Variants in SYT1 observed in about 807,000 individuals in gnomAD.
SYT1 encodes synaptotagmin-1.
In SYT1, 8 loss-of-function variants were observed where a neutral mutation model predicts 44.8. The ratio of observed to expected loss-of-function variants is 0.18; its 90% CI spans 0.10 to 0.32. The LOEUF (loss-of-function observed/expected upper bound fraction) is 0.32, where lower values mean the gene tolerates loss of function less well. Ranked by LOEUF, SYT1 falls within the 10% of genes least tolerant of loss-of-function variation. SYT1 has a pLI of 1.00. For missense variants in SYT1, 286 were observed against 509.3 expected (o/e 0.56, Z 4.22); for synonymous variants, 154 against 188.8 (o/e 0.82, Z 1.51).
At chr12:78,952,674 T>G (rs1483472160) in intron 1 of SYT1, among the ~76,000 whole-genome samples, 1 of 152,152 alleles carries the variant, frequency 6.6e-6, no homozygotes, top group African/African-American at 2.4e-5. Context: ...TACATTCCCC[T>G]ATGTTCTTCT....
chr12:79,057,875 A>G (rs1050865599), intron 3 of SYT1, among the ~76,000 whole-genome samples: 1 of 152,058 alleles, frequency 6.6e-6, no homozygotes, highest in African/African-American at 2.4e-5. Flanking sequence ...TAAAAACAAC[A>G]ACAACAAAAT....
intron 2 of SYT1, among the ~76,000 whole-genome samples, chr12:79,024,432 C>T (rs184387106): frequency 6.6e-6 from 1 of 151,864 alleles, no homozygotes; most frequent in East Asian, 1.9e-4. Flanking sequence ...CAGAATTTTG[C>T]TTGACAGTAT....
intron 9 of SYT1, among the ~76,000 whole-genome samples, chr12:79,404,756 G>A (rs1034498237): frequency 2.6e-5 from 4 of 152,164 alleles, no homozygotes; most frequent in Admixed American, 2.6e-4. Context: ...TATATGGCAA[G>A]AATTTCCCAG....
chr12:79,020,805 G>A (rs1227515126), intron 2 of SYT1, among the ~76,000 whole-genome samples: 6 of 151,754 alleles, frequency 4.0e-5, no homozygotes, highest in African/African-American at 1.5e-4. Context: ...AGAAACCTGT[G>A]GTGTTTAATT....
chr12:79,179,189 G>GAT (rs1324312188), intron 3 of SYT1, among the ~76,000 whole-genome samples: 1 of 40,910 alleles, frequency 2.4e-5, no homozygotes, highest in Non-Finnish European at 4.2e-5. Context: ...TATAGATATA[G>GAT]ATATAGATAT....
intron 9 of SYT1, among the ~76,000 whole-genome samples, chr12:79,361,938 T>C (rs1163156100): frequency 6.6e-6 from 1 of 152,218 alleles, no homozygotes; most frequent in Non-Finnish European, 1.5e-5. Flanking sequence ...CAGTATGATG[T>C]AGGAGTACAA....
At chr12:79,281,572 A>G (rs886523603) in intron 4 of SYT1, among the ~76,000 whole-genome samples, 35 of 152,302 alleles carry the variant, frequency 2.3e-4, no homozygotes, top group African/African-American at 8.2e-4. Context: ...CCTATTGGAT[A>G]CAATGTACAC....
intron 9 of SYT1, among the ~76,000 whole-genome samples, chr12:79,365,821 G>T (rs946743511): frequency 7.6e-5 from 9 of 118,880 alleles, no homozygotes; most frequent in African/African-American, 3.5e-4. Context: ...TAGACTGATT[G>T]CAAAGAGTAC....
At chr12:79,188,108 T>C (rs2400346) in intron 3 of SYT1, among the ~76,000 whole-genome samples, 116,797 of 152,070 alleles carry the variant, frequency 0.77, 45,911 homozygotes, top group African/African-American at 0.94. Flanking sequence ...TTCATATTTA[T>C]TGTGCTGCTT....
At chr12:78,950,496 A>G (rs1234099090) in intron 1 of SYT1, among the ~76,000 whole-genome samples, 2 of 152,092 alleles carry the variant, frequency 1.3e-5, no homozygotes, top group African/African-American at 4.8e-5. Context: ...GGACTTTTTC[A>G]TATATAATTT....
At chr12:79,135,102 A>G (rs141545631) in intron 3 of SYT1, among the ~76,000 whole-genome samples, 122 of 152,242 alleles carry the variant, frequency 8.0e-4, no homozygotes, top group African/African-American at 2.9e-3. Flanking sequence ...AAGTGCATAT[A>G]CTTTTTTATT....
chr12:79,020,541 T>C (rs1286522535), intron 2 of SYT1, among the ~76,000 whole-genome samples: 1 of 151,956 alleles, frequency 6.6e-6, no homozygotes, highest in African/African-American at 2.4e-5. Context: ...ACAAAAAAAG[T>C]ATGTGCTGAA....
chr12:79,340,466 CTGTT>C (rs1592981349), intron 8 of SYT1, among the ~76,000 whole-genome samples: 1 of 152,204 alleles, frequency 6.6e-6, no homozygotes, highest in Admixed American at 6.5e-5. Context: ...ATTTGGCTCT[CTGTT>C]TGTCTGTTAT....
At chr12:79,410,799 T>G (rs1416012292) in intron 9 of SYT1, among the ~76,000 whole-genome samples, 6 of 152,204 alleles carry the variant, frequency 3.9e-5, no homozygotes, top group Non-Finnish European at 8.8e-5. Context: ...TAAGGTCATG[T>G]ATTTGTAGGC....
At chr12:78,990,083 A>T (rs2137479575) in intron 2 of SYT1, among the ~76,000 whole-genome samples, 1 of 152,254 alleles carries the variant, frequency 6.6e-6, no homozygotes, top group South Asian at 2.1e-4. Flanking sequence ...TTGGAAAATA[A>T]GTTTCTGGGT....
intron 3 of SYT1, among the ~76,000 whole-genome samples, chr12:79,183,863 G>A (rs949549012): frequency 6.6e-6 from 1 of 152,030 alleles, no homozygotes; most frequent in Admixed American, 6.6e-5. Context: ...AAACAACTTT[G>A]TTTTTAAAAT....
intron 2 of SYT1, among the ~76,000 whole-genome samples, chr12:78,998,809 G>T (rs1047220495): frequency 6.6e-6 from 1 of 152,116 alleles, no homozygotes; most frequent in Non-Finnish European, 1.5e-5. Flanking sequence ...TGGACATAAA[G>T]CACTTAGCAC....
chr12:78,931,369 G>C (rs1252791871), intron 1 of SYT1, among the ~76,000 whole-genome samples: 1 of 103,896 alleles, frequency 9.6e-6, no homozygotes, highest in Non-Finnish European at 2.0e-5. Flanking sequence ...AGGAAGGAAG[G>C]AAGGAAGGAA....
intron 1 of SYT1, among the ~76,000 whole-genome samples, chr12:78,969,601 A>T (rs1868327401): frequency 6.6e-6 from 1 of 152,136 alleles, no homozygotes; most frequent in African/African-American, 2.4e-5. Flanking sequence ...GATTGGAAGG[A>T]GTAGCTTGGA....
Sources: gnomAD v4.1 joint callset for allele counts (sites outside exome capture counted in the v4.1 genomes callset) on GRCh38, gnomAD v4.1.1 for gene constraint, MANE v1.5 for transcripts, NCBI Gene and HGNC (gene_info 2026-07-23, HGNC 2026-07-21) for gene names.